The following MADD variants were observed in gnomAD, a reference collection of about 807,000 sequenced individuals.
MADD encodes the protein MAP kinase activating death domain.
Under a neutral mutation model 176.7 loss-of-function variants are expected in MADD, and 109 were observed. That is an observed-to-expected ratio of 0.62 (90% CI 0.53 to 0.72). The LOEUF is 0.72. MADD is among the 30% of genes least tolerant of loss of function. The pLI is 0.00. For synonymous variants in MADD, 771 were observed against 771.3 expected (o/e 1.00, Z 0.01); for missense variants, 1,914 against 2,045.5 (o/e 0.94, Z 1.24).
intron 22 of MADD, among the ~76,000 whole-genome samples, chr11:47,307,079 CTT>C (rs3070459): frequency 3.5e-5 from 5 of 143,972 alleles, no homozygotes; most frequent in Admixed American, 6.9e-5. Flanking sequence ...GATTTTTATA[CTT>C]TTTTTTTTTT....
intron 27 of MADD, 100 bp downstream of exon 30, chr11:47,315,427 C>A: frequency 3.1e-6 from 2 of 650,076 alleles, no homozygotes; most frequent in South Asian, 1.9e-5. Context: ...TCTCATTCAT[C>A]TTCATGATCT....
intron 7 of MADD, among the ~76,000 whole-genome samples, chr11:47,279,805 C>T (rs996765516): frequency 4.0e-5 from 6 of 151,754 alleles, no homozygotes; most frequent in African/African-American, 1.5e-4. Flanking sequence ...GGGCACGGTG[C>T]CTCATGCCTG....
intron 31 of MADD, chr11:47,328,201 C>G: frequency 1.9e-6 from 2 of 1,068,358 alleles, no homozygotes; most frequent in Non-Finnish European, 2.3e-6. Flanking sequence ...CTGTGTTTAA[C>G]ATGACCCAAT....
At chr11:47,293,067 A>G (rs972003307) in intron 19 of MADD, among the ~76,000 whole-genome samples, 9 of 151,760 alleles carry the variant, frequency 5.9e-5, no homozygotes, top group Non-Finnish European at 1.2e-4. Flanking sequence ...TGGGTGGGGG[A>G]CAAGGGGGGT....
chr11:47,276,231 A>G, intron 4 of MADD, 29 bp downstream of exon 4: 2 of 1,563,256 alleles, frequency 1.3e-6, no homozygotes, highest in Non-Finnish European at 1.7e-6. Flanking sequence ...AGACCTTTCT[A>G]GGGGAGAAAC....
At chr11:47,319,847 C>G (rs996660156) in intron 27 of MADD, among the ~76,000 whole-genome samples, 1 of 151,814 alleles carries the variant, frequency 6.6e-6, no homozygotes. Context: ...AAAAATTAGC[C>G]GGGCGTGTTG....
At chr11:47,269,719 C>G (rs1366692960), upstream of MADD, 1 of 151,970 alleles carries the variant, frequency 6.6e-6, no homozygotes, top group Non-Finnish European at 1.5e-5. Context: ...CAGCCGGCTT[C>G]CCTGCTCGGA....
intron 31 of MADD, 86 bp from the exon 36 acceptor site, chr11:47,328,572 C>G: frequency 1.3e-6 from 2 of 1,589,600 alleles, no homozygotes; most frequent in Non-Finnish European, 1.7e-6. Flanking sequence ...GGGACCCTGA[C>G]GCCGGGCGCT....
At chr11:47,314,594 G>A (rs2092021675) in intron 26 of MADD, among the ~76,000 whole-genome samples, 1 of 152,118 alleles carries the variant, frequency 6.6e-6, no homozygotes, top group Non-Finnish European at 1.5e-5. Flanking sequence ...ATGACAGAGC[G>A]AAACCTTGTC....
At position 47,276,161 on chromosome 11, in the gene MADD, G is replaced by A. The variant is rs1039339237; in HGVS notation, c.922G>A (p.Ala308Thr). ...TCCCTTGGAACTTCTAGGTGTGGAC[G>A]CCTGTCTCCAGGTGCTAACCTGCAT... The change falls in exon 4 of 33, where the codon GCC becomes ACC. Residue 308 changes from alanine to threonine, a missense_variant. Ala to Thr is a moderately conservative substitution (Grantham distance 58). Transcript: ENST00000402192. 1.2e-5 allele frequency: 20 copies of A among 1,613,742 alleles called. No homozygotes were observed. Among genetic ancestry groups the A allele is most frequent in the Non-Finnish European group, 1.4e-5 (17 of 1,179,786 alleles).
intron 27 of MADD, among the ~76,000 whole-genome samples, chr11:47,316,131 C>T (rs1015620714): frequency 1.3e-4 from 20 of 151,904 alleles, no homozygotes; most frequent in African/African-American, 2.9e-4. Flanking sequence ...CCACTGCGCC[C>T]GGCCCCATTT....
intron 27 of MADD, among the ~76,000 whole-genome samples, chr11:47,318,970 G>C (rs2093826139): frequency 6.6e-6 from 1 of 150,840 alleles, no homozygotes; most frequent in African/African-American, 2.4e-5. Context: ...ATCATGTCTG[G>C]CTAATTTTTG....
chr11:47,324,085 C>T (rs1299932278), intron 28 of MADD, 180 bp from the exon 32 acceptor site: 1 of 652,054 alleles, frequency 1.5e-6, no homozygotes, highest in African/African-American at 1.8e-5. Context: ...CCATACTATT[C>T]ATATGCTCCG....
intron 1 of MADD, chr11:47,270,859 GC>G (rs1361678360): frequency 2.0e-5 from 3 of 152,350 alleles, no homozygotes; most frequent in Non-Finnish European, 4.4e-5. Context: ...ACCAGTCTGT[GC>G]TGATGAGCTT....
rs141354619 is a variant in MADD at position 47,285,586 on chromosome 11, T to C, written c.2547T>C (p.Phe849=). 2.5e-6 allele frequency: 4 copies of C among 1,614,088 alleles called. No homozygotes were observed. In the East Asian group the frequency reaches 6.7e-5, roughly 27 times the overall value. The stretch of plus-strand genomic sequence containing the variant: ...AGGGCTTCGGGGGCATCATGTCTTT[T>C]GCCAGTAAGTGCCTTCAGCTGTCTC... Residue 849 remains phenylalanine (F), a synonymous_variant, in exon 14 of 33, where the codon TTT becomes TTC. Coordinates refer to ENST00000402192, the Ensembl canonical transcript of MADD.
chr11:47,297,442 TTTC>T (rs911049705), intron 22 of MADD, among the ~76,000 whole-genome samples: 3 of 151,734 alleles, frequency 2.0e-5, no homozygotes, highest in Admixed American at 6.6e-5. Flanking sequence ...GGGGTTTTCT[TTTC>T]TTTTCTTTTT....
intron 22 of MADD, among the ~76,000 whole-genome samples, chr11:47,297,823 C>G (rs1166403640): frequency 4.3e-5 from 5 of 115,710 alleles, no homozygotes; most frequent in South Asian, 2.9e-4. Flanking sequence ...GAATCTTGCT[C>G]TGTCGCCCAG....
chr11:47,289,152 C>G, intron 15 of MADD, 125 bp downstream of exon 16: 1 of 1,017,192 alleles, frequency 9.8e-7, no homozygotes, highest in Non-Finnish European at 1.5e-6. Flanking sequence ...GCCCCGTCCC[C>G]CGTGACGCCC....
chr11:47,272,170 G>A (rs760710775), intron 1 of MADD: 1 of 152,222 alleles, frequency 6.6e-6, no homozygotes, highest in Non-Finnish European at 1.5e-5. Context: ...AGTAGCAGCT[G>A]CTAGCACTGT....
Sources: allele counts gnomAD v4.1 joint callset (sites outside exome capture counted in the v4.1 genomes callset), GRCh38; gene constraint gnomAD v4.1.1; transcripts MANE v1.5; gene names NCBI Gene and HGNC (gene_info 2026-07-23, HGNC 2026-07-21).